PRLR: variants seen among roughly 807,000 people sequenced by gnomAD.
PRLR encodes the protein prolactin receptor.
PRLR carries 13 observed loss-of-function variants against 40.2 expected under a neutral mutation model. That is an observed-to-expected ratio of 0.32 (90% CI 0.21 to 0.51). The LOEUF (loss-of-function observed/expected upper bound fraction) is 0.51. PRLR is among the 20% of genes least tolerant of loss of function. The probability of loss-of-function intolerance (pLI) is 0.97; values close to 1 mark genes in which losing one functional copy is unlikely to be tolerated. For missense variants in PRLR, 656 were observed against 747.3 expected, an observed-to-expected ratio of 0.88 and a Z score of 1.42; for synonymous variants, 269 against 278.7, an observed-to-expected ratio of 0.97 and a Z score of 0.35.
chr5:35,213,199 T>G (rs1020760280), intron 1 of PRLR, among the ~76,000 whole-genome samples: 9 of 152,186 alleles, frequency 5.9e-5, no homozygotes, highest in Non-Finnish European at 1.3e-4. Flanking sequence ...GAGATCCCCA[T>G]GAAATACCAT....
intron 2 of PRLR, among the ~76,000 whole-genome samples, chr5:35,110,560 A>G (rs983779598): frequency 1.3e-5 from 2 of 151,998 alleles, no homozygotes; most frequent in Non-Finnish European, 2.9e-5. Flanking sequence ...AAATAAAATA[A>G]AATTCTCTCT....
chr5:35,171,576 T>G (rs1332706259), intron 1 of PRLR, among the ~76,000 whole-genome samples: 1 of 152,198 alleles, frequency 6.6e-6, no homozygotes, highest in African/African-American at 2.4e-5. Flanking sequence ...GATGCTTTCA[T>G]TGCTGGCATT....
chr5:35,058,667 T>G lies in PRLR; in HGVS notation c.*6422A>C, dbSNP rs1768861412. 1 of 152,214 alleles carries G rather than the reference T, an allele frequency of 6.6e-6. No homozygotes were observed. The highest frequency in any genetic ancestry group is 1.5e-5 in the Non-Finnish European group (1 of 68,024). The allele number at this position is 152,214 out of a possible 1,614,324, so 9.4% of individuals were successfully genotyped here. A position where few individuals can be genotyped will look rare whatever the true frequency, so the allele number is the denominator to read the frequency against. On this transcript the variant is annotated 3_prime_UTR_variant, in exon 10 of 10. Coordinates refer to ENST00000618457, the MANE Select transcript of PRLR (RefSeq NM_000949.7). Reference sequence around the variant, plus strand: ...GACACAATCATATTGAAACTACATATGGATAAATTGTAAGTTATTAAGTAA... The same window carrying G: ...GACACAATCATATTGAAACTACATAGGGATAAATTGTAAGTTATTAAGTAA...
intron 1 of PRLR, among the ~76,000 whole-genome samples, chr5:35,138,676 A>T (rs1304969896): frequency 1.3e-5 from 2 of 152,244 alleles, no homozygotes; most frequent in African/African-American, 4.8e-5. Flanking sequence ...TTTAAACTTC[A>T]TTTTGGTGAG....
At chr5:35,202,204 T>C (rs1775900738) in intron 1 of PRLR, among the ~76,000 whole-genome samples, 1 of 152,230 alleles carries the variant, frequency 6.6e-6, no homozygotes, top group Non-Finnish European at 1.5e-5. Flanking sequence ...AGATCTTTGA[T>C]CAAATTCAGT....
intron 1 of PRLR, among the ~76,000 whole-genome samples, chr5:35,193,793 G>C (rs1328562886): frequency 6.6e-6 from 1 of 151,354 alleles, no homozygotes; most frequent in Non-Finnish European, 1.5e-5. Context: ...CACCCTGCTT[G>C]CTCTTCTTGT....
chr5:35,053,822 G>A (rs559264755), downstream of PRLR, among the ~76,000 whole-genome samples: 3 of 152,276 alleles, frequency 2.0e-5, no homozygotes, highest in South Asian at 6.2e-4. Context: ...TTCATATGAT[G>A]AGTAAATGGC....
chr5:35,145,188 G>A (rs1490930695), intron 1 of PRLR, among the ~76,000 whole-genome samples: 1 of 152,166 alleles, frequency 6.6e-6, no homozygotes, highest in African/African-American at 2.4e-5. Flanking sequence ...AAAGGGCACA[G>A]GAGCCTTCTG....
chr5:35,086,697 G>A (rs537634989), intron 3 of PRLR, among the ~76,000 whole-genome samples: 4 of 152,098 alleles, frequency 2.6e-5, no homozygotes, highest in African/African-American at 9.6e-5. Context: ...AAGAGTGTGT[G>A]GTGGCCCTTT....
At chr5:35,132,804 A>C (rs1320678271) in intron 1 of PRLR, among the ~76,000 whole-genome samples, 2 of 152,162 alleles carry the variant, frequency 1.3e-5, no homozygotes, top group Non-Finnish European at 2.9e-5. Flanking sequence ...GGATGCTGAC[A>C]CCCTGTGATG....
rs1166750923 is a variant in PRLR, at chr5:35,230,359, A to G, written c.-197T>C. ...CATTGTGTGGAAAGCTGTTTCGCGA[A>G]CGGTCGGTAAAATCCAGAAAGAGGG... On this transcript the variant is annotated 5_prime_UTR_variant, in exon 1 of 10. Transcript: ENST00000618457. 1 of 152,236 alleles carries G rather than the reference A, an allele frequency of 6.6e-6. No homozygotes were observed. Among genetic ancestry groups the G allele is most frequent in the Non-Finnish European group, 1.5e-5 (1 of 68,050 alleles). The allele number at this position is 152,236 out of a possible 1,614,324, so 9.4% of individuals were successfully genotyped here. A position where few individuals can be genotyped will look rare whatever the true frequency, so the allele number is the denominator to read the frequency against.
intron 1 of PRLR, among the ~76,000 whole-genome samples, chr5:35,175,108 G>A (rs1229378460): frequency 6.6e-6 from 1 of 152,188 alleles, no homozygotes; most frequent in Non-Finnish European, 1.5e-5. Flanking sequence ...TAGATAGATA[G>A]TTGATATGGT....
At chr5:35,145,357 A>G (rs1449343890) in intron 1 of PRLR, among the ~76,000 whole-genome samples, 2 of 152,336 alleles carry the variant, frequency 1.3e-5, no homozygotes, top group African/African-American at 4.8e-5. Flanking sequence ...TGCAAGAAAA[A>G]GTGGACGGCC....
At chr5:35,075,236 G>A (rs923731396) in intron 5 of PRLR, among the ~76,000 whole-genome samples, 1 of 152,176 alleles carries the variant, frequency 6.6e-6, no homozygotes, top group African/African-American at 2.4e-5. Context: ...AAGCAGGGCA[G>A]GTCATTGTCT....
intron 1 of PRLR, among the ~76,000 whole-genome samples, chr5:35,210,722 T>C (rs142377948): frequency 7.8e-4 from 119 of 152,294 alleles, no homozygotes; most frequent in African/African-American, 2.8e-3. Context: ...TCTTCCTCTT[T>C]TTTTTTGAGA....
intron 1 of PRLR, among the ~76,000 whole-genome samples, chr5:35,164,305 T>C (rs769352056): frequency 1.3e-5 from 2 of 152,040 alleles, no homozygotes; most frequent in Non-Finnish European, 2.9e-5. Flanking sequence ...ATGACAAACA[T>C]AATAATTATA....
At chr5:35,219,083 G>GC (rs1336539010) in intron 1 of PRLR, among the ~76,000 whole-genome samples, 2 of 152,160 alleles carry the variant, frequency 1.3e-5, no homozygotes, top group African/African-American at 2.4e-5. Flanking sequence ...TAGATGTGAG[G>GC]CCTTCCTGGA....
At position 35,065,888 on chromosome 5, in the gene PRLR, G is replaced by T. The variant is rs184252713; in HGVS notation, c.1070C>A (p.Pro357His). The change falls in exon 10 of 10, where the codon CCT becomes CAT. Residue 357 changes from proline to histidine, a missense_variant. Physicochemically the swap from Pro to His is moderately conservative, Grantham distance 77 (BLOSUM62 -2). Transcript: ENST00000618457. ...CTCACACTTTTCAGACAAAAGGGAA[G>T]GGCTGTCACAGCTCCCCCGGCCTGA... is the stretch of plus-strand genomic sequence containing the variant. ...TDSGRGSCDS[P>H]SLLSEKCEEP... 2.5e-6 allele frequency: 4 copies of T among 1,614,030 alleles called. No homozygotes were observed. Among genetic ancestry groups the T allele is most frequent in the Non-Finnish European group, 3.4e-6 (4 of 1,180,034 alleles).
In PRLR at chr5:35,191,305, C is replaced by T. The variant is rs1320554431; in HGVS notation, c.-106+38963G>A. On this transcript the variant is annotated intron_variant, in intron 1 of 9. Coordinates refer to ENST00000618457, the MANE Select transcript of PRLR (RefSeq NM_000949.7). ...CGGGATGGTCTCGATCTCCTGACCTCGTGATCCGCCCGCCTCGGCCTCCCA... is the reference window on the plus strand; with the variant it reads ...CGGGATGGTCTCGATCTCCTGACCTTGTGATCCGCCCGCCTCGGCCTCCCA... Among the ~76,000 whole-genome samples, 3 of 88,076 alleles carry T rather than the reference C, an allele frequency of 3.4e-5. 1 individual carries two copies. The highest frequency in any genetic ancestry group is 2.4e-4 in the Admixed American group (2 of 8,482). 57.8% of individuals were successfully genotyped at this position (88,076 alleles called of 152,430 possible). A position where few individuals can be genotyped will look rare whatever the true frequency, so the allele number is the denominator to read the frequency against.
Sources: allele counts gnomAD v4.1 joint callset (sites outside exome capture counted in the v4.1 genomes callset), GRCh38; gene constraint gnomAD v4.1.1; transcripts MANE v1.5; gene names NCBI Gene and HGNC (gene_info 2026-07-23, HGNC 2026-07-21).